Variants in NSF observed in about 807,000 individuals in gnomAD.
The protein encoded by NSF is vesicle-fusing ATPase.
In NSF, 14 loss-of-function variants were observed where a neutral mutation model predicts 50.3. That is an observed-to-expected ratio of 0.28 (90% CI 0.18 to 0.44). The LOEUF is 0.44. NSF is among the 20% of genes least tolerant of loss of function. The pLI is 1.00. For synonymous variants in NSF, 109 were observed against 175.7 expected, an observed-to-expected ratio of 0.62 and a Z score of 3.00; for missense variants, 218 against 504.3, an observed-to-expected ratio of 0.43 and a Z score of 5.44.
chr17:46,740,272 A>T (rs1598732416), intron 17 of NSF, among the ~76,000 whole-genome samples: 1 of 152,318 alleles, frequency 6.6e-6, no homozygotes, highest in African/African-American at 2.4e-5. Context: ...TAAAGGAGCA[A>T]TGTGGGCTCT....
At chr17:46,695,138 C>T (rs1338383834) in intron 12 of NSF, among the ~76,000 whole-genome samples, 3 of 78,306 alleles carry the variant, frequency 3.8e-5, no homozygotes, top group African/African-American at 6.5e-5. Flanking sequence ...CCCGGCTACT[C>T]GGGAGGCTGA....
At chr17:46,718,301 G>T (rs552371321) in intron 15 of NSF, among the ~76,000 whole-genome samples, 2 of 152,058 alleles carry the variant, frequency 1.3e-5, no homozygotes, top group East Asian at 3.9e-4. Flanking sequence ...TGGCCATGCC[G>T]GGCCAGCCCC....
intron 17 of NSF, among the ~76,000 whole-genome samples, chr17:46,739,759 C>T (rs1182735210): frequency 2.0e-5 from 3 of 151,390 alleles, no homozygotes; most frequent in Non-Finnish European, 2.9e-5. Flanking sequence ...AGTGCAGTGG[C>T]GCGATCTCAA....
chr17:46,610,047 CTT>C (rs1491186349), intron 1 of NSF, among the ~76,000 whole-genome samples: 11 of 132,400 alleles, frequency 8.3e-5, no homozygotes, highest in East Asian at 6.0e-4. Flanking sequence ...CTCTCTCTTT[CTT>C]TCTTTCTTTC....
At chr17:46,708,882 T>G (rs1395757886) in intron 13 of NSF, among the ~76,000 whole-genome samples, 1 of 141,866 alleles carries the variant, frequency 7.0e-6, no homozygotes, top group African/African-American at 2.6e-5. Context: ...TGGAGTGCAG[T>G]GGCGCAATTT....
chr17:46,708,821 TA>T (rs1321742167), intron 13 of NSF, among the ~76,000 whole-genome samples: 1,593 of 110,000 alleles, frequency 0.014, 37 homozygotes, highest in African/African-American at 0.053. Context: ...TATATATATA[TA>T]TTTTTTTTTT....
At chr17:46,716,396 A>C (rs1361479438) in intron 15 of NSF, among the ~76,000 whole-genome samples, 1 of 152,016 alleles carries the variant, frequency 6.6e-6, no homozygotes, top group East Asian at 1.9e-4. Flanking sequence ...AGCTGGGACT[A>C]CAGGCACCCG....
At chr17:46,710,262 T>C (rs1401632630) in intron 13 of NSF, among the ~76,000 whole-genome samples, 1 of 152,242 alleles carries the variant, frequency 6.6e-6, no homozygotes, top group Non-Finnish European at 1.5e-5. Flanking sequence ...AGTTATTGAC[T>C]ACTTTTGGCA....
intron 1 of NSF, among the ~76,000 whole-genome samples, chr17:46,610,007 C>CTCTT (rs200774023): frequency 0.26 from 28,970 of 112,164 alleles, 1,076 homozygotes; most frequent in East Asian, 0.41. Flanking sequence ...CTTTCTTTCT[C>CTCTT]TCTTTCTTTC....
chr17:46,735,909 C>T (rs1022997174), intron 17 of NSF, among the ~76,000 whole-genome samples: 1 of 152,146 alleles, frequency 6.6e-6, no homozygotes. Flanking sequence ...TGTACCACTG[C>T]ACTCCATCCT....
chr17:46,726,649 G>A, intron 16 of NSF, 34 bp downstream of exon 16: 2 of 1,564,228 alleles, frequency 1.3e-6, no homozygotes, highest in Non-Finnish European at 1.8e-6. Context: ...TATTATCTTT[G>A]CCACATTACA....
chr17:46,712,612 A>T (rs1406706443), intron 14 of NSF, among the ~76,000 whole-genome samples: 1 of 152,202 alleles, frequency 6.6e-6, no homozygotes, highest in Non-Finnish European at 1.5e-5. Flanking sequence ...AGCCTGTTGG[A>T]TATGTGGGTC....
At chr17:46,737,232 A>G (rs117936104) in intron 17 of NSF, among the ~76,000 whole-genome samples, 2,814 of 152,282 alleles carry the variant, frequency 0.018, 30 homozygotes, top group Middle Eastern at 0.041. Context: ...TAGCAAATGA[A>G]GGTTAACATC....
Position 46,751,670 on chromosome 17 carries a change from C to T in NSF, c.2157+54C>T. 6.6e-6 allele frequency: 7 copies of T among 1,067,744 alleles called. No homozygotes were observed. In the Admixed American group the frequency reaches 1.5e-4, roughly 23 times the overall value. 66.1% of individuals were successfully genotyped at this position (1,067,744 alleles called of 1,614,324 possible). A position where few individuals can be genotyped will look rare whatever the true frequency, so the allele number is the denominator to read the frequency against. ...AGACAGAACAAAGCTTCAGGACACA[C>T]CAAGAGGGTTCAGTATTTCCTTTGC... On this transcript the variant is annotated intron_variant, in intron 19 of 20. Coordinates refer to ENST00000398238, the MANE Select transcript of NSF (RefSeq NM_006178.4).
At chr17:46,739,993 A>G (rs1177710760) in intron 17 of NSF, among the ~76,000 whole-genome samples, 1 of 152,096 alleles carries the variant, frequency 6.6e-6, no homozygotes, top group African/African-American at 2.4e-5. Flanking sequence ...GCCTGATTTT[A>G]AAAGAAATTA....
At position 46,728,899 on chromosome 17, in the gene NSF, G is replaced by T; in HGVS notation, c.1873G>T (p.Ala625Ser). The T allele has an allele frequency of 6.2e-7, 1 of 1,607,876 alleles. No homozygotes were observed. Among genetic ancestry groups the T allele is most frequent in the South Asian group, 1.1e-5 (1 of 89,678 alleles). The change falls in exon 17 of 21, where the codon GCT becomes TCT. Residue 625 changes from alanine (A) to serine (S), a missense_variant. This residue lies in a region of NSF where 209 missense variants were observed against 320.9 expected (regional missense o/e 0.65). Transcript: ENST00000398238. Reference sequence around the variant, plus strand: ...TCGATTTTCAAATCTTGTATTACAGGCTCTTCTCGTTTTACTGAAAAAGGC... The same window carrying T: ...TCGATTTTCAAATCTTGTATTACAGTCTCTTCTCGTTTTACTGAAAAAGGC... The part of the protein sequence containing the change: ...GPRFSNLVLQ[A>S]LLVLLKKAPP...
chr17:46,723,337 C>CA (rs1196092994), intron 15 of NSF, among the ~76,000 whole-genome samples: 1 of 152,158 alleles, frequency 6.6e-6, no homozygotes, highest in African/African-American at 2.4e-5. Context: ...AAAAGCAAAG[C>CA]ATTATTTTCA....
At chr17:46,710,585 T>C (rs752883304) in intron 13 of NSF, among the ~76,000 whole-genome samples, 18 of 152,366 alleles carry the variant, frequency 1.2e-4, no homozygotes, top group Admixed American at 4.6e-4. Context: ...CATATTTGTC[T>C]ATTGCGCTGT....
At chr17:46,741,345 C>T (rs943912270) in intron 17 of NSF, among the ~76,000 whole-genome samples, 1 of 152,008 alleles carries the variant, frequency 6.6e-6, no homozygotes, top group Non-Finnish European at 1.5e-5. Context: ...CTGCTTTTGC[C>T]TATAGTATTT....
Sources: gnomAD v4.1 joint callset for allele counts (sites outside exome capture counted in the v4.1 genomes callset) on GRCh38, gnomAD v4.1.1 for gene constraint, gnomAD v4.1.1 regional missense constraint, MANE v1.5 for transcripts, NCBI Gene and HGNC (gene_info 2026-07-23, HGNC 2026-07-21) for gene names.